The following TCF15 variants were observed in gnomAD, a reference collection of about 807,000 sequenced individuals.
TCF15 encodes the protein TCF-15.
Under a neutral mutation model 11.1 loss-of-function variants are expected in TCF15, and 7 were observed. The ratio of observed to expected loss-of-function variants is 0.63; its 90% CI spans 0.36 to 1.19. The LOEUF (loss-of-function observed/expected upper bound fraction) is 1.19, where lower values mean the gene tolerates loss of function less well. Ranked by LOEUF, TCF15 falls within the 50% of genes most tolerant of loss-of-function variation. The pLI, the probability that TCF15 is intolerant of heterozygous loss-of-function variation, is 0.02. For missense variants in TCF15, 288 were observed against 289.4 expected, an observed-to-expected ratio of 1.00 and a Z score of 0.03; for synonymous variants, 144 against 138.9, an observed-to-expected ratio of 1.04 and a Z score of -0.26.
At position 608,582 on chromosome 20, in the gene TCF15, C is replaced by T. The variant is rs45451604; in HGVS notation, c.525+1131G>A. On this transcript the variant is annotated intron_variant, in intron 1 of 1. Transcript: ENST00000246080. ...GGCAGCCAAGTGTTGAGCAACCAGG[C>T]TGGATATCTGATGAGCCAGACAGAG... Among the ~76,000 whole-genome samples, 186 of 152,346 alleles carry T rather than the reference C, an allele frequency of 1.2e-3. 6 individuals are homozygous for T. The East Asian group carries it at 0.034, about 28-fold the overall frequency.
At chr20:605,816 C>T (rs1301160401) in intron 1 of TCF15, among the ~76,000 whole-genome samples, 1 of 152,232 alleles carries the variant, frequency 6.6e-6, no homozygotes, top group African/African-American at 2.4e-5. Context: ...TAAAGCACCC[C>T]CTCTTTTGAG....
Position 604,303 on chromosome 20 carries a change from A to T in TCF15, c.*288T>A. On this transcript the variant is annotated 3_prime_UTR_variant, in exon 2 of 2. Transcript: ENST00000246080. The surrounding 1 kb of genome is among the most constrained non-coding windows in gnomAD (Gnocchi z 4.2). ...ATTTTAAACTCACCAATTCTCTCTC[A>T]CACACACTCACACTCACGCACAGAT... The T allele has an allele frequency of 1.9e-6, 1 of 515,380 alleles. No individual in the cohort carries two copies. Among genetic ancestry groups the T allele is most frequent in the Admixed American group, 3.6e-5 (1 of 27,920 alleles). 31.9% of individuals were successfully genotyped at this position (515,380 alleles called of 1,614,324 possible).
chr20:605,905 A>G (rs938721641), intron 1 of TCF15, among the ~76,000 whole-genome samples: 1 of 152,250 alleles, frequency 6.6e-6, no homozygotes, highest in African/African-American at 2.4e-5. Flanking sequence ...ATGTTGTCCA[A>G]CAATCTGTCC....
At chr20:605,139 C>T (rs1355653445) in intron 1 of TCF15, among the ~76,000 whole-genome samples, 3 of 152,196 alleles carry the variant, frequency 2.0e-5, no homozygotes, top group Non-Finnish European at 4.4e-5. Context: ...TACAGGGGCC[C>T]ACCGCCACAC....
At chr20:607,403 G>A (rs2019984857) in intron 1 of TCF15, among the ~76,000 whole-genome samples, 1 of 152,226 alleles carries the variant, frequency 6.6e-6, no homozygotes, top group East Asian at 1.9e-4. Flanking sequence ...GGTGGCTCAG[G>A]GTAAAGGAAC....
At chr20:606,780 T>A (rs13037757) in intron 1 of TCF15, among the ~76,000 whole-genome samples, 2 of 149,760 alleles carry the variant, frequency 1.3e-5, no homozygotes, top group Admixed American at 1.3e-4. Context: ...ATCGTGCCAC[T>A]GTACTCCAGC....
At chr20:605,246 A>G (rs1034767741) in intron 1 of TCF15, among the ~76,000 whole-genome samples, 3 of 152,234 alleles carry the variant, frequency 2.0e-5, no homozygotes, top group Admixed American at 6.6e-5. Context: ...ATTTTAAAGC[A>G]TAATATTTTA....
Position 604,783 on chromosome 20 carries a change from T to C in TCF15, c.526-118A>G. The C allele has an allele frequency of 1.2e-6, 1 of 803,942 alleles. No homozygotes were observed. Among genetic ancestry groups the C allele is most frequent in the Non-Finnish European group, 2.0e-6 (1 of 511,580 alleles). 49.8% of individuals were successfully genotyped at this position (803,942 alleles called of 1,614,324 possible). A position where few individuals can be genotyped will look rare whatever the true frequency, so the allele number is the denominator to read the frequency against. ...AATAAATCACAGTTCAGCCACACGA[T>C]CAAGTTCTCTGCAACAGAAAGCAGA... On this transcript the variant is annotated intron_variant, in intron 1 of 1. Coordinates refer to ENST00000246080, the MANE Select transcript of TCF15 (RefSeq NM_004609.4). The surrounding 1 kb of genome is among the most constrained non-coding windows in gnomAD (Gnocchi z 4.2).
chr20:610,206 G>A lies in TCF15; in HGVS notation c.32C>T (p.Ala11Val). The change falls in exon 1 of 2, where the codon GCG (alanine) becomes GTG (valine). Residue 11 changes from alanine to valine, a missense_variant. Physicochemically the swap from Ala to Val is moderately conservative, Grantham distance 64 (BLOSUM62 0). Transcript: ENST00000246080. MAFALLRPVG[A>V]HVLYPDVRLL... ...CCGCACGTCCGGGTACAGCACGTGCGCGCCGACGGGCCGCAGCAGCGCGAA... is the reference window on the plus strand; with the variant it reads ...CCGCACGTCCGGGTACAGCACGTGCACGCCGACGGGCCGCAGCAGCGCGAA... 1 of 1,030,136 alleles carries A rather than the reference G, an allele frequency of 9.7e-7. No homozygotes were observed. Among genetic ancestry groups the A allele is most frequent in the South Asian group, 3.3e-5 (1 of 30,498 alleles). The allele number at this position is 1,030,136 out of a possible 1,614,324, so 63.8% of individuals were successfully genotyped here.
chr20:608,483 C>T (rs1401738503), intron 1 of TCF15, among the ~76,000 whole-genome samples: 1 of 152,254 alleles, frequency 6.6e-6, no homozygotes, highest in Non-Finnish European at 1.5e-5. Context: ...CAGGGGCCCA[C>T]AGCTGGGAGC....
chr20:605,497 G>A (rs1200323431), intron 1 of TCF15, among the ~76,000 whole-genome samples: 1 of 152,252 alleles, frequency 6.6e-6, no homozygotes, highest in African/African-American at 2.4e-5. Flanking sequence ...AATCTCAGAA[G>A]GACAAGGCAG....
rs2020002373 is a variant in TCF15 at position 609,344 on chromosome 20, G to A, written c.525+369C>T. Among the ~76,000 whole-genome samples, 4 of 152,320 alleles carry A rather than the reference G, an allele frequency of 2.6e-5. No homozygotes were observed. The South Asian group carries it at 8.3e-4, about 32-fold the overall frequency. On this transcript the variant is annotated intron_variant, in intron 1 of 1. Transcript: ENST00000246080. The surrounding 1 kb of genome is among the most constrained non-coding windows in gnomAD (Gnocchi z 4.7). ...ACTACCTGCCTGAAGGGATTCTTGT[G>A]AAGGCAAAAAAGTGGATGTGGAGCG...
chr20:610,171 C>A lies in TCF15; in HGVS notation c.67G>T (p.Glu23Ter). The A allele has an allele frequency of 9.5e-7, 1 of 1,054,960 alleles. No homozygotes were observed. Among genetic ancestry groups the A allele is most frequent in the Non-Finnish European group, 1.2e-6 (1 of 869,328 alleles). The allele number at this position is 1,054,960 out of a possible 1,614,324, so 65.3% of individuals were successfully genotyped here. The change falls in exon 1 of 2, where the codon GAG becomes TAG. Residue 23 changes from glutamate to a stop codon, truncating the protein, a stop_gained. Transcript: ENST00000246080. LOFTEE classifies it high-confidence loss of function. ...VLYPDVRLLS[E>*]DEENRSESDA... ...CTCTCGCTGCGGTTCTCCTCGTCCT[C>A]GCTCAGCAGCCGCACGTCCGGGTAC...
In TCF15 at chr20:609,765, C is replaced by A. The variant is rs765702271; in HGVS notation, c.473G>T (p.Gly158Val). The A allele has an allele frequency of 1.0e-5, 14 of 1,406,758 alleles. No homozygotes were observed. In the South Asian group the frequency reaches 1.1e-4, roughly 11 times the overall value. The allele number at this position is 1,406,758 out of a possible 1,614,324, so 87.1% of individuals were successfully genotyped here. A position where few individuals can be genotyped will look rare whatever the true frequency, so the allele number is the denominator to read the frequency against. The stretch of plus-strand genomic sequence containing the variant: ...GGTGCAGATGGAGCGCGGCTGGCGG[C>A]CGCCGTCGGCGGCGGCGGGGACGGC... The part of the protein sequence containing the change: ...KGAVPAAADG[G>V]RQPRSICTFC... The change falls in exon 1 of 2, where the codon GGC becomes GTC. Residue 158 changes from glycine to valine, a missense_variant. Coordinates refer to ENST00000246080, the MANE Select transcript of TCF15 (RefSeq NM_004609.4). The surrounding 1 kb of genome is among the most constrained non-coding windows in gnomAD (Gnocchi z 4.7).
Position 609,536 on chromosome 20 carries a change from T to TG in TCF15, c.525+176dup. Among the ~76,000 whole-genome samples the TG allele has an allele frequency of 6.6e-6, 1 of 152,090 alleles. No individual in the cohort carries two copies. Among genetic ancestry groups the TG allele is most frequent in the Non-Finnish European group, 1.5e-5 (1 of 68,012 alleles). The stretch of plus-strand genomic sequence containing the variant: ...CTGGGTTTTCCCGCATCCTTCTGTT[T>TG]GGGGGCCTGGGCATTAAGTCAGTGG... On this transcript the variant is annotated intron_variant, in intron 1 of 1. Coordinates refer to ENST00000246080, the MANE Select transcript of TCF15 (RefSeq NM_004609.4). The surrounding 1 kb of genome is among the most constrained non-coding windows in gnomAD (Gnocchi z 4.7).
At position 610,171 on chromosome 20, in the gene TCF15, C is replaced by T; in HGVS notation, c.67G>A (p.Glu23Lys). 1.9e-6 allele frequency: 2 copies of T among 1,054,960 alleles called. No individual in the cohort carries two copies. The highest frequency in any genetic ancestry group is 2.8e-5 in the South Asian group (1 of 35,820). 65.3% of individuals were successfully genotyped at this position (1,054,960 alleles called of 1,614,324 possible). ...CTCTCGCTGCGGTTCTCCTCGTCCT[C>T]GCTCAGCAGCCGCACGTCCGGGTAC... is the stretch of plus-strand genomic sequence containing the variant. ...VLYPDVRLLS[E>K]DEENRSESDA... The change falls in exon 1 of 2, where the codon GAG (glutamate) becomes AAG (lysine). Residue 23 changes from glutamate to lysine, a missense_variant. By Grantham distance (56) the Glu-to-Lys change is moderately conservative. Coordinates refer to ENST00000246080, the MANE Select transcript of TCF15 (RefSeq NM_004609.4).
chr20:606,695 G>A (rs1251499530), intron 1 of TCF15, among the ~76,000 whole-genome samples: 2 of 152,062 alleles, frequency 1.3e-5, no homozygotes, highest in African/African-American at 2.4e-5. Flanking sequence ...GCTGGCACCT[G>A]TAATCCCAGC....
intron 1 of TCF15, among the ~76,000 whole-genome samples, chr20:607,886 G>A (rs1450745311): frequency 1.3e-5 from 2 of 152,212 alleles, no homozygotes; most frequent in East Asian, 3.8e-4. Flanking sequence ...GGCTGTTGCA[G>A]GATTTTAATG....
rs1374994374 is a variant in TCF15 at position 609,045 on chromosome 20, T to C, written c.525+668A>G. On this transcript the variant is annotated intron_variant, in intron 1 of 1. Transcript: ENST00000246080. This position sits in a 1 kb window ranked among gnomAD's most constrained non-coding sequence, Gnocchi z 4.7. The stretch of plus-strand genomic sequence containing the variant: ...TGCCCTCTCCCAACACCACGTCCTT[T>C]TGGGGGCTGGGGACTCTCAGAGGGC... Among the ~76,000 whole-genome samples the C allele has an allele frequency of 3.9e-5, 6 of 152,052 alleles. No individual in the cohort carries two copies.
Sources: allele counts gnomAD v4.1 joint callset (sites outside exome capture counted in the v4.1 genomes callset), GRCh38; gene constraint gnomAD v4.1.1; non-coding constraint Gnocchi (gnomAD v3.1); transcripts MANE v1.5; gene names NCBI Gene and HGNC (gene_info 2026-07-23, HGNC 2026-07-21).